ELF2: variants seen among roughly 807,000 people sequenced by gnomAD.
ELF2 encodes E74 like ETS transcription factor 2.
ELF2 carries 11 observed loss-of-function variants against 54.8 expected under a neutral mutation model. That is an observed-to-expected ratio of 0.20 (90% CI 0.13 to 0.33). ELF2 has a LOEUF of 0.33. Ranked by LOEUF, ELF2 falls within the 10% of genes least tolerant of loss-of-function variation. The pLI is 1.00. For synonymous variants in ELF2, 203 were observed against 245.1 expected (o/e 0.83, Z 1.61); for missense variants, 513 against 703.0 (o/e 0.73, Z 3.06).
At chr4:139,077,657 A>C (rs975442260) in intron 4 of ELF2, among the ~76,000 whole-genome samples, 3 of 152,218 alleles carry the variant, frequency 2.0e-5, no homozygotes, top group African/African-American at 7.2e-5. Context: ...CTGTAATTAA[A>C]AAAAAAATAC....
At chr4:139,115,209 C>T in intron 4 of ELF2, 7 of 1,611,494 alleles carry the variant, frequency 4.3e-6, no homozygotes, top group Non-Finnish European at 5.9e-6. Flanking sequence ...TGACGGTGAC[C>T]TTCCCTTGGC....
intron 4 of ELF2, chr4:139,102,046 A>G (rs1037382507): frequency 3.9e-5 from 6 of 152,024 alleles, no homozygotes; most frequent in African/African-American, 1.4e-4. Context: ...AAAAGAAATT[A>G]CCACCTTTTA....
intron 4 of ELF2, among the ~76,000 whole-genome samples, chr4:139,106,528 T>C (rs1349561830): frequency 6.6e-6 from 1 of 152,084 alleles, no homozygotes; most frequent in Non-Finnish European, 1.5e-5. Flanking sequence ...TGTGACTTCA[T>C]GACCAATATA....
chr4:139,165,071 T>A (rs1021735139), intron 1 of ELF2, among the ~76,000 whole-genome samples: 4 of 152,230 alleles, frequency 2.6e-5, no homozygotes, highest in Non-Finnish European at 4.4e-5. Context: ...TTTGCCTTTT[T>A]GTTAACTGGC....
chr4:139,138,212 A>G (rs1240488731), intron 2 of ELF2, among the ~76,000 whole-genome samples: 1 of 152,132 alleles, frequency 6.6e-6, no homozygotes, highest in Non-Finnish European at 1.5e-5. Context: ...AGGTCAAGAG[A>G]TCGAGACCAC....
chr4:139,143,481 C>T (rs543847448), intron 1 of ELF2, among the ~76,000 whole-genome samples: 2 of 152,256 alleles, frequency 1.3e-5, no homozygotes, highest in African/African-American at 4.8e-5. Flanking sequence ...GAGAGCCACA[C>T]ATTAAAGACC....
chr4:139,174,306 G>A (rs1158478728), intron 1 of ELF2, among the ~76,000 whole-genome samples: 3 of 151,364 alleles, frequency 2.0e-5, no homozygotes, highest in African/African-American at 7.3e-5. Context: ...AAAGCATTAT[G>A]CTAAACGAAA....
chr4:139,068,590 T>G lies in ELF2; in HGVS notation c.527-820A>C, dbSNP rs541649439. On this transcript the variant is annotated intron_variant, in intron 6 of 9. Transcript: ENST00000686138. ...ATACATCACAAGGCTAAAAAAAACT[T>G]CCAAGTGATTTCATATGTCTAATAA... is the stretch of plus-strand genomic sequence containing the variant. Among the ~76,000 whole-genome samples, 3 of 152,342 alleles carry G rather than the reference T, an allele frequency of 2.0e-5. No homozygotes were observed. In the South Asian group the frequency reaches 6.2e-4, roughly 32 times the overall value.
chr4:139,174,920 C>G (rs1579003134), intron 1 of ELF2, among the ~76,000 whole-genome samples: 1 of 152,200 alleles, frequency 6.6e-6, no homozygotes, highest in East Asian at 1.9e-4. Context: ...CACCCAGCAA[C>G]TATGCCATTT....
chr4:139,071,903 T>C lies in ELF2; in HGVS notation c.489A>G (p.Thr163=). ...SEPMDTSPIP[T]SPDSHEPMKK... ...TCATTGGTTCATGGCTATCTGGTGATGTTGGAATAGGAGAGGTATCCATGG... is the reference window on the plus strand; with the variant it reads ...TCATTGGTTCATGGCTATCTGGTGACGTTGGAATAGGAGAGGTATCCATGG... Residue 163 remains threonine (T), a synonymous_variant, in exon 6 of 10, where the codon ACA becomes ACG. Coordinates refer to ENST00000686138, the MANE Select transcript of ELF2 (RefSeq NM_001331036.3). 42 of 1,608,358 alleles carry C rather than the reference T, an allele frequency of 2.6e-5. No homozygotes were observed. The highest frequency in any genetic ancestry group is 3.6e-5 in the Non-Finnish European group (42 of 1,178,906).
chr4:139,100,619 C>G (rs1445472799), intron 4 of ELF2: 1 of 152,178 alleles, frequency 6.6e-6, no homozygotes, highest in African/African-American at 2.4e-5. Flanking sequence ...TGCATAACCA[C>G]TGTACTCCAG....
At chr4:139,162,561 T>C (rs1016916112) in intron 1 of ELF2, among the ~76,000 whole-genome samples, 1 of 152,024 alleles carries the variant, frequency 6.6e-6, no homozygotes, top group Admixed American at 6.6e-5. Flanking sequence ...ATAATGTAAA[T>C]ACAAATGGAA....
At chr4:139,173,373 C>A (rs1742526131) in intron 1 of ELF2, among the ~76,000 whole-genome samples, 1 of 151,244 alleles carries the variant, frequency 6.6e-6, no homozygotes, top group Non-Finnish European at 1.5e-5. Flanking sequence ...GCATAATAGC[C>A]CAAAAAAATA....
intron 1 of ELF2, among the ~76,000 whole-genome samples, chr4:139,174,092 GTGT>G (rs2148922573): frequency 6.6e-6 from 1 of 150,730 alleles, no homozygotes; most frequent in African/African-American, 2.4e-5. Context: ...AATTAGCCAG[GTGT>G]TGTGGCATGC....
At chr4:139,174,700 T>C (rs1222199879) in intron 1 of ELF2, among the ~76,000 whole-genome samples, 1 of 152,202 alleles carries the variant, frequency 6.6e-6, no homozygotes, top group Non-Finnish European at 1.5e-5. Context: ...AGCATCCACA[T>C]TGTATTAGGT....
chr4:139,150,700 T>C (rs1340808496), intron 1 of ELF2, among the ~76,000 whole-genome samples: 1 of 151,738 alleles, frequency 6.6e-6, no homozygotes, highest in Non-Finnish European at 1.5e-5. Context: ...GAAAACTTAA[T>C]ACAGGAAAGA....
At chr4:139,063,387 A>G (rs949711555) in intron 7 of ELF2, among the ~76,000 whole-genome samples, 2 of 152,376 alleles carry the variant, frequency 1.3e-5, no homozygotes, top group African/African-American at 2.4e-5. Context: ...ATATATACTT[A>G]TATCTTAAAT....
intron 7 of ELF2, chr4:139,067,384 T>C: frequency 3.4e-6 from 1 of 296,660 alleles, no homozygotes; most frequent in Admixed American, 4.3e-5. Flanking sequence ...TGGGTGCTAT[T>C]ATCCTGTAAG....
At chr4:139,092,980 T>C (rs890073590) in intron 4 of ELF2, among the ~76,000 whole-genome samples, 37 of 150,434 alleles carry the variant, frequency 2.5e-4, no homozygotes, top group African/African-American at 9.0e-4. Flanking sequence ...TTTTTTTTTT[T>C]TTTGAGAAAG....
Sources: gnomAD v4.1 joint callset for allele counts (sites outside exome capture counted in the v4.1 genomes callset) on GRCh38, gnomAD v4.1.1 for gene constraint, MANE v1.5 for transcripts, NCBI Gene and HGNC (gene_info 2026-07-23, HGNC 2026-07-21) for gene names.